The following FETUB variants were observed in gnomAD, a reference collection of about 807,000 sequenced individuals.
FETUB encodes fetuin B.
In FETUB, 28 loss-of-function variants were observed where a neutral mutation model predicts 30.9. The observed-to-expected ratio is 0.90, with a 90% CI of 0.67 to 1.24. FETUB has a LOEUF of 1.24. Ranked by LOEUF, FETUB falls within the 50% of genes most tolerant of loss-of-function variation. The pLI is 0.00. For synonymous variants in FETUB, 186 were observed against 175.9 expected (o/e 1.06, Z -0.45); for missense variants, 469 against 455.3 (o/e 1.03, Z -0.27).
At chr3:186,636,800 T>G (rs145748817), upstream of FETUB, among the ~76,000 whole-genome samples, 35 of 152,348 alleles carry the variant, frequency 2.3e-4, no homozygotes, top group African/African-American at 7.5e-4. Flanking sequence ...TTACAGCTCC[T>G]GCAGGAAAAG....
In FETUB at chr3:186,640,567, G is replaced by A; in HGVS notation, c.107G>A (p.Cys36Tyr). 1 of 1,614,192 alleles carries A rather than the reference G, an allele frequency of 6.2e-7. No homozygotes were observed. Among genetic ancestry groups the A allele is most frequent in the Non-Finnish European group, 8.5e-7 (1 of 1,180,012 alleles). Residue 36 changes from cysteine (C) to tyrosine (Y), a missense_variant, in exon 1 of 7, where the codon TGC (cysteine) becomes TAC (tyrosine). Transcript: ENST00000265029. ...LNPSALLSRG[C>Y]NDSDVLAVAG... The stretch of plus-strand genomic sequence containing the variant: ...CCCTCGGCTCTGCTCTCCCGGGGCT[G>A]CAATGACTCAGATGTGCTGGCAGTT...
intron 5 of FETUB, among the ~76,000 whole-genome samples, chr3:186,650,837 A>G (rs1466481379): frequency 1.3e-5 from 2 of 152,220 alleles, no homozygotes; most frequent in Non-Finnish European, 2.9e-5. Context: ...GTCTGAGAAG[A>G]GAAATGTCAG....
rs1560019001 is a variant in FETUB, at chr3:186,640,582, T to C, written c.122T>C (p.Val41Ala). The stretch of plus-strand genomic sequence containing the variant: ...TCCCGGGGCTGCAATGACTCAGATG[T>C]GCTGGCAGTTGCAGGCTTTGCCCTG... ...LLSRGCNDSD[V>A]LAVAGFALRD... Residue 41 changes from valine (V) to alanine (A), a missense_variant, in exon 1 of 7, where the codon GTG (valine) becomes GCG (alanine). By Grantham distance (64) the Val-to-Ala change is moderately conservative. Coordinates refer to ENST00000265029, the MANE Select transcript of FETUB (RefSeq NM_014375.3). The C allele has an allele frequency of 6.2e-7, 1 of 1,613,216 alleles. No individual in the cohort carries two copies. Among genetic ancestry groups the C allele is most frequent in the African/African-American group, 1.3e-5 (1 of 75,040 alleles).
At chr3:186,646,192 C>T (rs532837954) in intron 4 of FETUB, 56 bp from the exon 5 acceptor site, 17 of 1,319,624 alleles carry the variant, frequency 1.3e-5, no homozygotes, top group South Asian at 8.4e-5. Flanking sequence ...AAACCTGAGT[C>T]TTTTCCCTAG....
intron 6 of FETUB, 159 bp downstream of exon 6, chr3:186,651,460 G>A: frequency 1.6e-6 from 1 of 630,464 alleles, no homozygotes; most frequent in South Asian, 1.8e-5. Context: ...GCCAGTCAAA[G>A]ACCTGTTATG....
In FETUB at chr3:186,651,149, T is replaced by C. The variant is rs902586718; in HGVS notation, c.697-69T>C. 1.8e-5 allele frequency: 18 copies of C among 1,019,192 alleles called. No homozygotes were observed. In the Admixed American group the frequency reaches 3.2e-4, roughly 18 times the overall value. The allele number at this position is 1,019,192 out of a possible 1,614,324, so 63.1% of individuals were successfully genotyped here. A position where few individuals can be genotyped will look rare whatever the true frequency, so the allele number is the denominator to read the frequency against. Reference sequence around the variant, plus strand: ...TTGATTGGCTGTGTATCTACACAAGTAGAAAGCTAGTTGATTTCCATCTGT... The same window carrying C: ...TTGATTGGCTGTGTATCTACACAAGCAGAAAGCTAGTTGATTTCCATCTGT... On this transcript the variant is annotated intron_variant, in intron 5 of 6. Transcript: ENST00000265029.
intron 3 of FETUB, 35 bp from the exon 4 acceptor site, chr3:186,644,716 T>C (rs375505903): frequency 1.3e-6 from 2 of 1,528,526 alleles, no homozygotes; most frequent in Non-Finnish European, 1.8e-6. Context: ...TGAAAATTAA[T>C]AGCATTTAAA....
chr3:186,649,497 T>G (rs1407915115), intron 5 of FETUB, among the ~76,000 whole-genome samples: 1 of 151,976 alleles, frequency 6.6e-6, no homozygotes, highest in African/African-American at 2.4e-5. Context: ...TGAGACAGAA[T>G]TTTGCTCTGT....
At chr3:186,645,029 A>G in intron 4 of FETUB, 109 bp downstream of exon 4, 4 of 805,460 alleles carry the variant, frequency 5.0e-6, no homozygotes, top group Non-Finnish European at 7.7e-6. Context: ...TTAGAACCAA[A>G]ATACCTTTCT....
chr3:186,650,863 A>G (rs1356229939), intron 5 of FETUB, among the ~76,000 whole-genome samples: 2 of 152,350 alleles, frequency 1.3e-5, no homozygotes, highest in African/African-American at 2.4e-5. Context: ...ACGCACTTAA[A>G]GGGCTGCTAT....
In FETUB at chr3:186,652,696, T is replaced by C; in HGVS notation, c.*65T>C. The C allele has an allele frequency of 6.6e-7, 1 of 1,522,950 alleles. No individual in the cohort carries two copies. The highest frequency in any genetic ancestry group is 8.8e-7 in the Non-Finnish European group (1 of 1,141,674). 94.3% of individuals were successfully genotyped at this position (1,522,950 alleles called of 1,614,324 possible). ...ATGACATGGGAGGCGATGGGGACGA[T>C]GGACAGAGACAGAGCGTGCACACGT... is the stretch of plus-strand genomic sequence containing the variant. On this transcript the variant is annotated 3_prime_UTR_variant, in exon 7 of 7. Coordinates refer to ENST00000265029, the MANE Select transcript of FETUB (RefSeq NM_014375.3).
At chr3:186,646,584 G>C (rs1006122525) in intron 5 of FETUB, among the ~76,000 whole-genome samples, 1 of 152,238 alleles carries the variant, frequency 6.6e-6, no homozygotes, top group African/African-American at 2.4e-5. Flanking sequence ...ACATCTCAGT[G>C]ATGGGTAATG....
chr3:186,642,356 T>G (rs1033501701), intron 2 of FETUB, 115 bp from the exon 3 acceptor site: 2 of 671,216 alleles, frequency 3.0e-6, no homozygotes, highest in Non-Finnish European at 5.2e-6. Flanking sequence ...AACCACAGAA[T>G]TTGATCTTAA....
intron 5 of FETUB, 93 bp downstream of exon 5, chr3:186,646,442 C>T (rs1354546340): frequency 4.3e-6 from 4 of 923,250 alleles, no homozygotes; most frequent in Non-Finnish European, 7.0e-6. Flanking sequence ...TGTCATAAGG[C>T]ATGAGATGCT....
At chr3:186,644,979 T>A (rs1717384248) in intron 4 of FETUB, 59 bp downstream of exon 4, 3 of 1,395,378 alleles carry the variant, frequency 2.1e-6, no homozygotes, top group Non-Finnish European at 2.9e-6. Flanking sequence ...TTGCTGTAGG[T>A]TCCTAAGCTG....
At chr3:186,636,674 G>A (rs1019070353), upstream of FETUB, among the ~76,000 whole-genome samples, 1 of 152,172 alleles carries the variant, frequency 6.6e-6, no homozygotes, top group African/African-American at 2.4e-5. Context: ...CCACAAGGTA[G>A]CCCTGAGGCT....
upstream of FETUB, among the ~76,000 whole-genome samples, chr3:186,639,032 A>G (rs1045705374): frequency 2.0e-5 from 3 of 152,230 alleles, no homozygotes; most frequent in African/African-American, 7.2e-5. Flanking sequence ...GCTGTGCCTC[A>G]GTTAGTTTTA....
At chr3:186,650,178 G>A (rs1312599581) in intron 5 of FETUB, among the ~76,000 whole-genome samples, 1 of 94,312 alleles carries the variant, frequency 1.1e-5, no homozygotes, top group Non-Finnish European at 2.1e-5. Context: ...GGTGGGGGGG[G>A]GGGGTAAATC....
rs541402458 is a variant in FETUB at position 186,647,995 on chromosome 3, C to A, written c.696+1646C>A. Among the ~76,000 whole-genome samples the A allele has an allele frequency of 2.6e-3, 396 of 151,120 alleles. 1 individual carries two copies. The highest frequency in any genetic ancestry group is 5.4e-3 in the African/African-American group (221 of 41,162). On this transcript the variant is annotated intron_variant, in intron 5 of 6. Transcript: ENST00000265029. ...AAATAATCTTGAACAACAACAACAA[C>A]AAAAAAATAGGAAGACATACTTCCC...
Sources: allele counts gnomAD v4.1 joint callset (sites outside exome capture counted in the v4.1 genomes callset), GRCh38; gene constraint gnomAD v4.1.1; transcripts MANE v1.5; gene names NCBI Gene and HGNC (gene_info 2026-07-23, HGNC 2026-07-21).